The following ANXA6 variants were observed in gnomAD, a reference collection of about 807,000 sequenced individuals.
ANXA6 encodes the protein 67 kDa calelectrin.
A neutral mutation model predicts 95.4 loss-of-function variants in ANXA6; 71 were observed. The ratio of observed to expected loss-of-function variants is 0.74; its 90% CI spans 0.61 to 0.91. The LOEUF is 0.91. Ranked by LOEUF, ANXA6 falls within the 40% of genes least tolerant of loss-of-function variation. The probability of loss-of-function intolerance (pLI) is 0.00; values close to 1 mark genes in which losing one functional copy is unlikely to be tolerated. For missense variants in ANXA6, 830 were observed against 876.4 expected (o/e 0.95, Z 0.67); for synonymous variants, 289 against 315.9 (o/e 0.91, Z 0.90).
chr5:151,128,373 G>A, intron 12 of ANXA6, 134 bp from the exon 13 acceptor site: 2 of 747,170 alleles, frequency 2.7e-6, no homozygotes, highest in East Asian at 2.7e-5. Context: ...TGGCCCTCCT[G>A]TGCTGGTTAA....
chr5:151,156,599 T>C (rs1766243514), intron 1 of ANXA6, among the ~76,000 whole-genome samples: 1 of 152,116 alleles, frequency 6.6e-6, no homozygotes, highest in African/African-American at 2.4e-5. Context: ...CCAGAGTCCT[T>C]TCACAAACCC....
At chr5:151,109,616 C>T in intron 22 of ANXA6, 137 bp downstream of exon 22, 1 of 657,790 alleles carries the variant, frequency 1.5e-6, no homozygotes, top group East Asian at 2.8e-5. Flanking sequence ...GAGTCGCCGT[C>T]ACCCATGACA....
chr5:151,153,745 AC>A (rs1223387072), intron 1 of ANXA6, among the ~76,000 whole-genome samples: 1 of 152,012 alleles, frequency 6.6e-6, no homozygotes, highest in African/African-American at 2.4e-5. Flanking sequence ...TTGATTTCCC[AC>A]CCCCTCAGGT....
chr5:151,110,500 G>A (rs553434873), intron 21 of ANXA6, 127 bp downstream of exon 21: 26 of 1,042,480 alleles, frequency 2.5e-5, no homozygotes, highest in Admixed American at 1.3e-4. Context: ...AGCAGGGCCC[G>A]GAAGGGGAGA....
At chr5:151,103,477 T>C (rs776791495) in intron 25 of ANXA6, 93 bp downstream of exon 25, 7 of 1,336,202 alleles carry the variant, frequency 5.2e-6, no homozygotes, top group Non-Finnish European at 7.1e-6. Flanking sequence ...GGTAACCCAC[T>C]GGAAAAAAGT....
intron 24 of ANXA6, among the ~76,000 whole-genome samples, chr5:151,104,047 G>C (rs1412190058): frequency 6.6e-6 from 1 of 152,198 alleles, no homozygotes; most frequent in Non-Finnish European, 1.5e-5. Context: ...AGAAGAGGGA[G>C]GGCACAGACA....
At chr5:151,128,286 C>G in intron 12 of ANXA6, 47 bp from the exon 13 acceptor site, 1 of 1,527,100 alleles carries the variant, frequency 6.5e-7, no homozygotes, top group Non-Finnish European at 8.9e-7. Flanking sequence ...CCCTGGGCTC[C>G]TCTCAGACAA....
rs374982176 is a variant in ANXA6, at chr5:151,119,290, C to G, written c.1438+10G>C. On this transcript the variant is annotated intron_variant, in intron 18 of 25. Transcript: ENST00000354546. The stretch of plus-strand genomic sequence containing the variant: ...CTCCCAGCATCTGGGCCCAGGCCTC[C>G]CAAACTCACCCTCCTTATAGGCCTC... The G allele has an allele frequency of 2.5e-6, 4 of 1,611,882 alleles. No individual in the cohort carries two copies. The highest frequency in any genetic ancestry group is 3.4e-6 in the Non-Finnish European group (4 of 1,179,226).
chr5:151,129,341 C>T (rs988052766), intron 12 of ANXA6, 66 bp downstream of exon 12: 1 of 1,592,926 alleles, frequency 6.3e-7, no homozygotes, highest in Admixed American at 1.7e-5. Context: ...TGGGAATAGT[C>T]CCCAAGCCCT....
intron 23 of ANXA6, among the ~76,000 whole-genome samples, chr5:151,105,783 C>T (rs1217116724): frequency 6.6e-6 from 1 of 152,192 alleles, no homozygotes. Context: ...GATTCTCATG[C>T]CTCAGATTCC....
intron 21 of ANXA6, 107 bp downstream of exon 21, chr5:151,110,520 C>A: frequency 7.8e-7 from 1 of 1,274,760 alleles, no homozygotes; most frequent in Non-Finnish European, 1.1e-6. Flanking sequence ...AGAGAGAAGC[C>A]GCACAGCAAG....
In ANXA6 at chr5:151,117,130, G is replaced by A. The variant is rs371801483; in HGVS notation, c.1569C>T (p.Ala523=). Residue 523 remains alanine, a synonymous_variant, in exon 20 of 26, where the codon GCC becomes GCT. Coordinates refer to ENST00000354546, the MANE Select transcript of ANXA6 (RefSeq NM_001155.5). ...GENLDQARED[A]QVAAEILEIA... ...TGGGGTGGGCTGGGGGTCTTACCTG[G>A]GCATCTTCCCGTGCCTGGTCCAGGT... is the stretch of plus-strand genomic sequence containing the variant. 3.8e-6 allele frequency: 6 copies of A among 1,588,250 alleles called. No homozygotes were observed. In the African/African-American group the frequency reaches 5.4e-5, roughly 14 times the overall value.
At chr5:151,109,706 T>G (rs189666706) in intron 22 of ANXA6, 47 bp downstream of exon 22, 1 of 1,456,110 alleles carries the variant, frequency 6.9e-7, no homozygotes, top group Non-Finnish European at 9.5e-7. Context: ...CTCATCAGAT[T>G]CTGGGATCTT....
intron 20 of ANXA6, among the ~76,000 whole-genome samples, chr5:151,114,748 AG>A (rs1764949160): frequency 6.6e-6 from 1 of 151,984 alleles, no homozygotes; most frequent in Non-Finnish European, 1.5e-5. Context: ...ACAGAGTGAA[AG>A]GGGAAGCAAT....
At chr5:151,129,086 A>G (rs966906593) in intron 12 of ANXA6, among the ~76,000 whole-genome samples, 9 of 152,210 alleles carry the variant, frequency 5.9e-5, no homozygotes, top group African/African-American at 2.2e-4. Flanking sequence ...TGTGTTCTTC[A>G]GTGTTTCCCA....
Position 151,123,088 on chromosome 5 carries a change from C to T in ANXA6, c.1139-77G>A, listed in dbSNP as rs921478992. The T allele has an allele frequency of 2.4e-5, 30 of 1,242,594 alleles. No homozygotes were observed. The African/African-American group carries it at 4.4e-4, about 18-fold the overall frequency. The allele number at this position is 1,242,594 out of a possible 1,614,324, so 77.0% of individuals were successfully genotyped here. ...TCCCCATGCACCGCCCACTGATGGC[C>T]CCTCATCGATCTTTGTCAGGGTAGA... is the stretch of plus-strand genomic sequence containing the variant. On this transcript the variant is annotated intron_variant, in intron 15 of 25. Coordinates refer to ENST00000354546, the MANE Select transcript of ANXA6 (RefSeq NM_001155.5).
intron 1 of ANXA6, among the ~76,000 whole-genome samples, chr5:151,148,285 T>C (rs1024002427): frequency 6.6e-6 from 1 of 152,160 alleles, no homozygotes. Context: ...TCCTTTTTTA[T>C]AGAGAGGAAA....
intron 23 of ANXA6, 116 bp downstream of exon 23, chr5:151,108,339 T>G: frequency 1.1e-6 from 1 of 945,682 alleles, no homozygotes. Flanking sequence ...GGAGGCGAAC[T>G]GTGACAGTGT....
chr5:151,153,201 C>T (rs1192526163), intron 1 of ANXA6, among the ~76,000 whole-genome samples: 1 of 152,198 alleles, frequency 6.6e-6, no homozygotes, highest in South Asian at 2.1e-4. Context: ...GGAACGCCTT[C>T]CACCAACATT....
Sources: allele counts gnomAD v4.1 joint callset (sites outside exome capture counted in the v4.1 genomes callset), GRCh38; gene constraint gnomAD v4.1.1; transcripts MANE v1.5; gene names NCBI Gene and HGNC (gene_info 2026-07-23, HGNC 2026-07-21).